The following CISTR variants were observed in gnomAD, a reference collection of about 807,000 sequenced individuals.
CISTR encodes chondrogenic regulator lncRNA.
chr12:53,753,665 G>GGGGTGT (rs1394699395), intron 1 of CISTR, among the ~76,000 whole-genome samples: 16 of 141,314 alleles, frequency 1.1e-4, no homozygotes, highest in African/African-American at 3.5e-4. Context: ...AATGCATAGG[G>GGGGTGT]GTGTGTGTGT....
rs1213614954 is a variant in CISTR at position 53,756,394 on chromosome 12, C to G, written n.414+420G>C. Among the ~76,000 whole-genome samples, 1 of 152,134 alleles carries G rather than the reference C, an allele frequency of 6.6e-6. No homozygotes were observed. Among genetic ancestry groups the G allele is most frequent in the East Asian group, 1.9e-4 (1 of 5,188 alleles). On this transcript the variant is annotated intron_variant and non_coding_transcript_variant, in intron 1 of 2. Transcript: ENST00000669269. The surrounding 1 kb of genome is among the most constrained non-coding windows in gnomAD (Gnocchi z 4.0). ...AATAGATGATACCACAGGAAGGAAC[C>G]TTGGAAATCAGTTGGATCCCTTGAG...
At chr12:53,749,443 C>T (rs775679061) in intron 2 of CISTR, among the ~76,000 whole-genome samples, 19 of 151,838 alleles carry the variant, frequency 1.3e-4, no homozygotes, top group Non-Finnish European at 2.2e-4. Context: ...GGCAGGGCAC[C>T]TATCTACCTG....
Position 53,751,466 on chromosome 12 carries a change from G to T in CISTR, n.415-501C>A, listed in dbSNP as rs1937849481. Among the ~76,000 whole-genome samples the T allele has an allele frequency of 6.6e-6, 1 of 152,024 alleles. No individual in the cohort carries two copies. Among genetic ancestry groups the T allele is most frequent in the African/African-American group, 2.4e-5 (1 of 41,404 alleles). ...GCCCGGCGGCCGCGAATTCATTAGT[G>T]GGGGGCGGATGTAAACGCAGCGCGG... On this transcript the variant is annotated intron_variant and non_coding_transcript_variant, in intron 1 of 2. Coordinates refer to ENST00000669269, the Ensembl canonical transcript of CISTR. This position sits in a 1 kb window ranked among gnomAD's most constrained non-coding sequence, Gnocchi z 4.6.
At chr12:53,750,970 G>A (rs773328937) in intron 1 of CISTR, 1 of 152,500 alleles carries the variant, frequency 6.6e-6, no homozygotes, top group Non-Finnish European at 1.5e-5. Context: ...AAACAGCTAC[G>A]GCGGGAGAAA....
rs1172867013 is a variant in CISTR, at chr12:53,751,197, TC to T, written n.415-233del. Among the ~76,000 whole-genome samples, 2 of 152,024 alleles carry T rather than the reference TC, an allele frequency of 1.3e-5. No individual in the cohort carries two copies. Among genetic ancestry groups the T allele is most frequent in the Non-Finnish European group, 2.9e-5 (2 of 67,984 alleles). ...GCACAGGACACACACACACACTCTC[TC>T]CTGGCCTCCCTCCCGCCGCCCCTCC... On this transcript the variant is annotated intron_variant and non_coding_transcript_variant, in intron 1 of 2. Transcript: ENST00000669269. This position sits in a 1 kb window ranked among gnomAD's most constrained non-coding sequence, Gnocchi z 4.6.
At chr12:53,752,963 A>C (rs1156240505) in intron 1 of CISTR, among the ~76,000 whole-genome samples, 6 of 152,066 alleles carry the variant, frequency 3.9e-5, no homozygotes, top group African/African-American at 1.4e-4. Context: ...CAGTGGATCT[A>C]GGAGTCCAGC....
chr12:53,753,665 GGTGTGTGT>G (rs55769002), intron 1 of CISTR, among the ~76,000 whole-genome samples: 1,716 of 141,300 alleles, frequency 0.012, 30 homozygotes, highest in African/African-American at 0.036. Flanking sequence ...AATGCATAGG[GGTGTGTGT>G]GTGTGTGTGT....
In CISTR at chr12:53,753,095, G is replaced by C. The variant is rs920693542; in HGVS notation, n.415-2130C>G. ...ACACACACACACACACACACAGAGA[G>C]AGACACACGTGTCCTTTGAGATTTT... On this transcript the variant is annotated intron_variant and non_coding_transcript_variant, in intron 1 of 2. Transcript: ENST00000669269. Among the ~76,000 whole-genome samples, 33 of 98,442 alleles carry C rather than the reference G, an allele frequency of 3.4e-4. 1 individual carries two copies. The highest frequency in any genetic ancestry group is 1.6e-3 in the East Asian group (4 of 2,434). The allele number at this position is 98,442 out of a possible 152,430, so 64.6% of individuals were successfully genotyped here. A position where few individuals can be genotyped will look rare whatever the true frequency, so the allele number is the denominator to read the frequency against.
intron 1 of CISTR, among the ~76,000 whole-genome samples, chr12:53,755,493 C>T (rs1400504910): frequency 6.6e-6 from 1 of 152,140 alleles, no homozygotes; most frequent in African/African-American, 2.4e-5. Context: ...TATCTAAAGT[C>T]CAGGATCTGG....
chr12:53,751,996 GT>G lies in CISTR; in HGVS notation n.415-1032del, dbSNP rs892266227. Among the ~76,000 whole-genome samples, 1 of 151,486 alleles carries G rather than the reference GT, an allele frequency of 6.6e-6. No homozygotes were observed. Among genetic ancestry groups the G allele is most frequent in the African/African-American group, 2.4e-5 (1 of 41,192 alleles). On this transcript the variant is annotated intron_variant and non_coding_transcript_variant, in intron 1 of 2. Transcript: ENST00000669269. The surrounding 1 kb of genome is among the most constrained non-coding windows in gnomAD (Gnocchi z 4.6). ...AGGGTCTCTCCCTCCCCCTCTCCCC[GT>G]GGTTGTCAGACTTTCTCCTGGACTT...
At chr12:53,748,871 T>C (rs1404820575) in intron 2 of CISTR, among the ~76,000 whole-genome samples, 1 of 151,724 alleles carries the variant, frequency 6.6e-6, no homozygotes, top group Non-Finnish European at 1.5e-5. Flanking sequence ...CAGGTAGAGG[T>C]TGCAGGGGGT....
chr12:53,753,778 C>G (rs980144645), intron 1 of CISTR, among the ~76,000 whole-genome samples: 1 of 101,148 alleles, frequency 9.9e-6, no homozygotes, highest in African/African-American at 4.1e-5. Context: ...CTTGGGAGGG[C>G]AGGTTTGCTG....
chr12:53,746,409 G>A (rs745691265), exon 3 of CISTR, among the ~76,000 whole-genome samples: 2 of 152,156 alleles, frequency 1.3e-5, no homozygotes, highest in Non-Finnish European at 2.9e-5. Flanking sequence ...CCTGCGCAGA[G>A]AACCAAGAAG....
chr12:53,751,171 C>A lies in CISTR; in HGVS notation n.415-206G>T, dbSNP rs970609345. Among the ~76,000 whole-genome samples, 1 of 152,086 alleles carries A rather than the reference C, an allele frequency of 6.6e-6. No individual in the cohort carries two copies. The highest frequency in any genetic ancestry group is 1.5e-5 in the Non-Finnish European group (1 of 67,994). On this transcript the variant is annotated intron_variant and non_coding_transcript_variant, in intron 1 of 2. Transcript: ENST00000669269. The surrounding 1 kb of genome is among the most constrained non-coding windows in gnomAD (Gnocchi z 4.6). ...CCCTCCTGGCCCACAGGCCTCCGCA[C>A]GCACAGGACACACACACACACTCTC...
rs374086803 is a variant in CISTR, at chr12:53,747,704, G to C, written n.1064-856C>G. Among the ~76,000 whole-genome samples, 35 of 152,226 alleles carry C rather than the reference G, an allele frequency of 2.3e-4. No individual in the cohort carries two copies. The South Asian group carries it at 2.9e-3, about 13-fold the overall frequency. ...TGATTTGGGGAGAACTGATAAAATAGGAGCTGACCATTTTACTGGGGACTT... is the reference window on the plus strand; with the variant it reads ...TGATTTGGGGAGAACTGATAAAATACGAGCTGACCATTTTACTGGGGACTT... On this transcript the variant is annotated intron_variant and non_coding_transcript_variant, in intron 2 of 2. Transcript: ENST00000669269.
At chr12:53,748,511 CAG>C (rs1456839210) in intron 2 of CISTR, among the ~76,000 whole-genome samples, 1 of 152,142 alleles carries the variant, frequency 6.6e-6, no homozygotes, top group Non-Finnish European at 1.5e-5. Flanking sequence ...AAGGGAAAGA[CAG>C]AGGAGAGACA....
rs1937851860 is a variant in CISTR, at chr12:53,751,582, G to A, written n.415-617C>T. On this transcript the variant is annotated intron_variant and non_coding_transcript_variant, in intron 1 of 2. Transcript: ENST00000669269. The surrounding 1 kb of genome is among the most constrained non-coding windows in gnomAD (Gnocchi z 4.6). Reference sequence around the variant, plus strand: ...GCCCTCAGCCTCCTCCGCGCGGCGCGGACTCATTACGGCTGCAGCCAATTT... The same window carrying A: ...GCCCTCAGCCTCCTCCGCGCGGCGCAGACTCATTACGGCTGCAGCCAATTT... Among the ~76,000 whole-genome samples, 1 of 152,124 alleles carries A rather than the reference G, an allele frequency of 6.6e-6. No homozygotes were observed. The highest frequency in any genetic ancestry group is 1.5e-5 in the Non-Finnish European group (1 of 68,020).
intron 1 of CISTR, among the ~76,000 whole-genome samples, chr12:53,752,413 G>A (rs1367870080): frequency 6.6e-6 from 1 of 152,188 alleles, no homozygotes; most frequent in Non-Finnish European, 1.5e-5. Flanking sequence ...TCTAGGTGGC[G>A]GTGGGTCTGT....
chr12:53,754,841 A>T (rs1273528236), intron 1 of CISTR, among the ~76,000 whole-genome samples: 1 of 152,156 alleles, frequency 6.6e-6, no homozygotes, highest in Non-Finnish European at 1.5e-5. Flanking sequence ...TTCAGCACTA[A>T]AAGGATCTGT....
Sources: allele counts gnomAD v4.1 joint callset (sites outside exome capture counted in the v4.1 genomes callset), GRCh38; gene constraint gnomAD v4.1.1; non-coding constraint Gnocchi (gnomAD v3.1); transcripts MANE v1.5; gene names NCBI Gene and HGNC (gene_info 2026-07-23, HGNC 2026-07-21).